Variants in SLC44A3 observed in about 807,000 individuals in gnomAD.
SLC44A3 encodes choline transporter-like protein 3.
A neutral mutation model predicts 75.4 loss-of-function variants in SLC44A3; 74 were observed. That is an observed-to-expected ratio of 0.98 (90% CI 0.81 to 1.19). The LOEUF (loss-of-function observed/expected upper bound fraction) is 1.19, where lower values mean the gene tolerates loss of function less well. Ranked by LOEUF, SLC44A3 falls within the 50% of genes most tolerant of loss-of-function variation. The probability of loss-of-function intolerance (pLI) is 0.00; values close to 1 mark genes in which losing one functional copy is unlikely to be tolerated. For synonymous variants in SLC44A3, 310 were observed against 296.9 expected (o/e 1.04, Z -0.45); for missense variants, 700 against 778.6 (o/e 0.90, Z 1.20).
At chr1:94,856,726 T>G (rs1665914225) in intron 9 of SLC44A3, among the ~76,000 whole-genome samples, 2 of 152,022 alleles carry the variant, frequency 1.3e-5, no homozygotes, top group Non-Finnish European at 1.5e-5. Context: ...TACTTGCCTC[T>G]TCTTCTTCTT....
chr1:94,882,823 C>T (rs956226753), intron 12 of SLC44A3, among the ~76,000 whole-genome samples: 6 of 150,972 alleles, frequency 4.0e-5, no homozygotes, highest in African/African-American at 1.2e-4. Flanking sequence ...CCATCTTTGT[C>T]GCTTCCTCTA....
At chr1:94,875,775 T>C (rs767125828) in intron 12 of SLC44A3, among the ~76,000 whole-genome samples, 1 of 152,090 alleles carries the variant, frequency 6.6e-6, no homozygotes, top group African/African-American at 2.4e-5. Context: ...ATCCAAGGAG[T>C]TGCCATTTGT....
chr1:94,864,735 A>C lies in SLC44A3; in HGVS notation c.1239-8A>C. The C allele has an allele frequency of 4.3e-6, 7 of 1,611,162 alleles. No individual in the cohort carries two copies. The highest frequency in any genetic ancestry group is 5.9e-6 in the Non-Finnish European group (7 of 1,178,772). On this transcript the variant is annotated splice_region_variant and splice_polypyrimidine_tract_variant and intron_variant, in intron 10 of 14. Transcript: ENST00000271227. ...TTTTTAAAATGCTATCCTTTTCCCTATTTCCAGAAGTAAAAATGATCCTCC... is the reference window on the plus strand; with the variant it reads ...TTTTTAAAATGCTATCCTTTTCCCTCTTTCCAGAAGTAAAAATGATCCTCC...
chr1:94,827,745 G>C, intron 4 of SLC44A3, 102 bp downstream of exon 4: 1 of 1,421,752 alleles, frequency 7.0e-7, no homozygotes, highest in Non-Finnish European at 9.6e-7. Context: ...TGGAAAGCTG[G>C]AAGTTTTACT....
Position 94,881,697 on chromosome 1 carries a change from C to G in SLC44A3, c.1483-9433C>G, listed in dbSNP as rs1021304784. ...GAAGCCTGGGCAACAGAGCAAGACTCCGTCTCAAAAAAAAAAAAGAACCAA... is the reference window on the plus strand; with the variant it reads ...GAAGCCTGGGCAACAGAGCAAGACTGCGTCTCAAAAAAAAAAAAGAACCAA... On this transcript the variant is annotated intron_variant, in intron 12 of 14. Transcript: ENST00000271227. Among the ~76,000 whole-genome samples the G allele has an allele frequency of 4.7e-5, 7 of 147,664 alleles. No individual in the cohort carries two copies. The Admixed American group carries it at 4.8e-4, about 10-fold the overall frequency.
chr1:94,873,416 A>G (rs1380070925), intron 12 of SLC44A3, among the ~76,000 whole-genome samples: 1 of 152,196 alleles, frequency 6.6e-6, no homozygotes, highest in South Asian at 2.1e-4. Flanking sequence ...TATACTGGTC[A>G]GAAAGGTCCC....
intron 10 of SLC44A3, 126 bp downstream of exon 10, chr1:94,857,626 G>C (rs534327520): frequency 9.9e-7 from 1 of 1,006,350 alleles, no homozygotes; most frequent in South Asian, 2.3e-5. Context: ...AAGAATAAAA[G>C]AGTAAGCTAA....
chr1:94,851,777 G>C (rs1003269830), intron 9 of SLC44A3, among the ~76,000 whole-genome samples: 2 of 152,216 alleles, frequency 1.3e-5, no homozygotes, highest in African/African-American at 4.8e-5. Flanking sequence ...AGGACTCTTG[G>C]GCCAGTTTGC....
At chr1:94,844,967 T>C (rs965742668) in intron 8 of SLC44A3, among the ~76,000 whole-genome samples, 3 of 152,176 alleles carry the variant, frequency 2.0e-5, no homozygotes, top group Non-Finnish European at 2.9e-5. Context: ...GGGGAGGATA[T>C]AAGACAGTTC....
chr1:94,878,191 C>T (rs1435304885), intron 12 of SLC44A3, among the ~76,000 whole-genome samples: 1 of 151,998 alleles, frequency 6.6e-6, no homozygotes, highest in African/African-American at 2.4e-5. Context: ...GCCGAGATCG[C>T]ACCACTGCAC....
chr1:94,862,991 T>C (rs1286564437), intron 10 of SLC44A3, among the ~76,000 whole-genome samples: 2 of 152,062 alleles, frequency 1.3e-5, no homozygotes, highest in African/African-American at 4.8e-5. Flanking sequence ...GGAGAGGTGG[T>C]AGGATGACGT....
chr1:94,829,609 C>T (rs569391066), intron 5 of SLC44A3, among the ~76,000 whole-genome samples: 1 of 152,236 alleles, frequency 6.6e-6, no homozygotes, highest in South Asian at 2.1e-4. Flanking sequence ...TTTGAGAAGG[C>T]TAAGGGGAAA....
chr1:94,825,669 G>A (rs866240587), intron 3 of SLC44A3, among the ~76,000 whole-genome samples: 3 of 152,118 alleles, frequency 2.0e-5, no homozygotes, highest in African/African-American at 7.2e-5. Flanking sequence ...GTAGCTCCTA[G>A]AAGAGAAATC....
At chr1:94,834,553 C>T (rs1218358449) in intron 5 of SLC44A3, among the ~76,000 whole-genome samples, 1 of 152,046 alleles carries the variant, frequency 6.6e-6, no homozygotes, top group African/African-American at 2.4e-5. Context: ...GGCACGATCT[C>T]AGCTCACTGC....
chr1:94,871,490 G>A (rs1216744380), intron 12 of SLC44A3, among the ~76,000 whole-genome samples: 1 of 152,180 alleles, frequency 6.6e-6, no homozygotes, highest in African/African-American at 2.4e-5. Context: ...GAGACTACAG[G>A]CTAAGCACTC....
intron 12 of SLC44A3, among the ~76,000 whole-genome samples, chr1:94,871,794 C>A (rs890990316): frequency 1.3e-5 from 2 of 152,160 alleles, no homozygotes; most frequent in African/African-American, 2.4e-5. Flanking sequence ...GAGCTGTTTG[C>A]CAATCAATAA....
chr1:94,889,421 C>T (rs1669953180), intron 12 of SLC44A3: 1 of 151,918 alleles, frequency 6.6e-6, no homozygotes. Flanking sequence ...ATGCAAGTAG[C>T]ATTTTTAAAG....
chr1:94,886,521 C>T (rs6694352), intron 12 of SLC44A3, among the ~76,000 whole-genome samples: 46,221 of 151,806 alleles, frequency 0.3, 7,968 homozygotes, highest in African/African-American at 0.48. Context: ...CTGCCTCCTA[C>T]CCTGCTGGAG....
intron 12 of SLC44A3, among the ~76,000 whole-genome samples, chr1:94,869,814 G>A (rs1329850001): frequency 1.3e-5 from 2 of 152,130 alleles, no homozygotes; most frequent in Non-Finnish European, 2.9e-5. Context: ...GACTTACTAG[G>A]GGACATTGTG....
Sources: gnomAD v4.1 joint callset for allele counts (sites outside exome capture counted in the v4.1 genomes callset) on GRCh38, gnomAD v4.1.1 for gene constraint, MANE v1.5 for transcripts, NCBI Gene and HGNC (gene_info 2026-07-23, HGNC 2026-07-21) for gene names.